The following APOOL variants were observed in gnomAD, a reference collection of about 807,000 sequenced individuals.
APOOL encodes the protein apolipoprotein O like.
In APOOL, 12 loss-of-function variants were observed where a neutral mutation model predicts 23.1. The ratio of observed to expected loss-of-function variants is 0.52; its 90% confidence interval spans 0.33 to 0.84. APOOL has a LOEUF of 0.84. APOOL is among the 40% of genes least tolerant of loss of function. The pLI is 0.02. For synonymous variants in APOOL, 77 were observed against 69.9 expected, an observed-to-expected ratio of 1.10 and a Z score of -0.51; for missense variants, 212 against 199.6, an observed-to-expected ratio of 1.06 and a Z score of -0.37.
At chrX:85,036,812 A>C (rs1177124002) in intron 1 of APOOL, among the ~76,000 whole-genome samples, 2 of 110,672 alleles carry the variant, frequency 1.8e-5, no homozygotes, top group African/African-American at 6.6e-5. Flanking sequence ...AGCAGTGTAC[A>C]CTGTACCCAG....
intron 8 of APOOL, among the ~76,000 whole-genome samples, chrX:85,086,188 T>A (rs1332524167): frequency 1.8e-5 from 2 of 111,319 alleles, no homozygotes; most frequent in East Asian, 5.7e-4. Flanking sequence ...TGACACAGGT[T>A]AAATTCCTTC....
chrX:85,010,247 G>A (rs1458909548), intron 1 of APOOL, among the ~76,000 whole-genome samples: 1 of 111,977 alleles, frequency 8.9e-6, no homozygotes, highest in Non-Finnish European at 1.9e-5. Context: ...GTATATCATT[G>A]TTGTTTTAAT....
At chrX:85,035,084 A>G (rs1187382145) in intron 1 of APOOL, among the ~76,000 whole-genome samples, 1 of 111,778 alleles carries the variant, frequency 8.9e-6, no homozygotes, top group Non-Finnish European at 1.9e-5. Context: ...CCATCAGTGT[A>G]TAATGTTCCC....
intron 5 of APOOL, among the ~76,000 whole-genome samples, chrX:85,057,701 A>C (rs2147650888): frequency 1.9e-5 from 2 of 107,706 alleles, no homozygotes; most frequent in East Asian, 5.8e-4. Context: ...ATATATATAT[A>C]TCTCCCTATA....
intron 8 of APOOL, among the ~76,000 whole-genome samples, chrX:85,082,864 AT>A (rs1924160586): frequency 8.9e-6 from 1 of 111,746 alleles, no homozygotes; most frequent in Non-Finnish European, 1.9e-5. Context: ...TAGTTGCCAG[AT>A]TTTTTGTGGA....
At chrX:85,009,060 G>A (rs960459266) in intron 1 of APOOL, among the ~76,000 whole-genome samples, 1 of 111,388 alleles carries the variant, frequency 9.0e-6, no homozygotes, top group Admixed American at 9.6e-5. Flanking sequence ...GATCATCTTC[G>A]ATAGTGTATA....
At chrX:85,063,360 T>C (rs1769194999) in intron 5 of APOOL, among the ~76,000 whole-genome samples, 1 of 111,428 alleles carries the variant, frequency 9.0e-6, no homozygotes, top group Admixed American at 9.6e-5. Flanking sequence ...TTATTTTTTT[T>C]ATCTTGCCTA....
intron 4 of APOOL, 91 bp downstream of exon 4, chrX:85,054,489 A>T: frequency 6.4e-6 from 5 of 776,859 alleles, no homozygotes; most frequent in Non-Finnish European, 9.2e-6. Context: ...GTTACCCATT[A>T]TCATGCATTT....
At position 85,088,944 on chromosome X, in the gene APOOL, C is replaced by T. The variant is rs1260923564; in HGVS notation, c.*1266C>T. Reference sequence around the variant, plus strand: ...AACAATAACAAAACAAGACAAAAACCTTTCCTTAACTTGGCCTCTTCCCTT... The same window carrying T: ...AACAATAACAAAACAAGACAAAAACTTTTCCTTAACTTGGCCTCTTCCCTT... On this transcript the variant is annotated 3_prime_UTR_variant, in exon 9 of 9. Coordinates refer to ENST00000373173, the MANE Select transcript of APOOL (RefSeq NM_198450.6). The T allele has an allele frequency of 1.8e-5, 2 of 111,625 alleles. No individual in the cohort carries two copies. The highest frequency in any genetic ancestry group is 6.5e-5 in the African/African-American group (2 of 30,708). 9.2% of individuals were successfully genotyped at this position (111,625 alleles called of 1,213,427 possible). A position where few individuals can be genotyped will look rare whatever the true frequency, so the allele number is the denominator to read the frequency against.
At chrX:85,027,404 A>G (rs1921881773) in intron 1 of APOOL, among the ~76,000 whole-genome samples, 1 of 111,450 alleles carries the variant, frequency 9.0e-6, no homozygotes, top group South Asian at 3.8e-4. Flanking sequence ...TCCAAACTAT[A>G]TAACGGACGT....
At position 85,066,541 on chromosome X, in the gene APOOL, A is replaced by G. The variant is rs751245357; in HGVS notation, c.395-586A>G. On this transcript the variant is annotated intron_variant, in intron 5 of 8. Transcript: ENST00000373173. The stretch of plus-strand genomic sequence containing the variant: ...AAAAAGATACGAAAATAACTCTTAA[A>G]TGATGCATAGTTAAGGCACTTATTG... Among the ~76,000 whole-genome samples the G allele has an allele frequency of 2.7e-5, 3 of 111,683 alleles. No individual in the cohort carries two copies. The South Asian group carries it at 1.1e-3, about 41-fold the overall frequency.
intron 3 of APOOL, among the ~76,000 whole-genome samples, chrX:85,051,973 C>T (rs1291572956): frequency 1.8e-5 from 2 of 111,832 alleles, no homozygotes; most frequent in Non-Finnish European, 3.8e-5. Context: ...CATCAGATAT[C>T]CAAGAAAGTC....
At chrX:85,011,351 C>T (rs1921272452) in intron 1 of APOOL, among the ~76,000 whole-genome samples, 1 of 111,509 alleles carries the variant, frequency 9.0e-6, no homozygotes, top group Non-Finnish European at 1.9e-5. Flanking sequence ...TAAGTCCCAT[C>T]TATTTATTTT....
intron 1 of APOOL, among the ~76,000 whole-genome samples, chrX:85,033,306 A>C (rs776655062): frequency 8.9e-6 from 1 of 112,087 alleles, no homozygotes; most frequent in African/African-American, 3.2e-5. Flanking sequence ...ATTAGACCAC[A>C]GGTGTTATTT....
In APOOL at chrX:85,092,635, A is replaced by G; in HGVS notation, c.*4957A>G. On this transcript the variant is annotated 3_prime_UTR_variant, in exon 9 of 9. Coordinates refer to ENST00000373173, the MANE Select transcript of APOOL (RefSeq NM_198450.6). ...CTTCGTTAACACATATATTTTATTGAAGGTCTACTCTATGCAAGACACTAT... is the reference window on the plus strand; with the variant it reads ...CTTCGTTAACACATATATTTTATTGGAGGTCTACTCTATGCAAGACACTAT... The G allele has an allele frequency of 1.0e-6, 1 of 960,276 alleles. No homozygotes were observed. The highest frequency in any genetic ancestry group is 1.4e-6 in the Non-Finnish European group (1 of 693,918). The allele number at this position is 960,276 out of a possible 1,213,427, so 79.1% of individuals were successfully genotyped here.
rs1312246584 is a variant in APOOL, at chrX:85,089,216, C to T, written c.*1538C>T. 1 of 110,547 alleles carries T rather than the reference C, an allele frequency of 9.0e-6. No individual in the cohort carries two copies. The highest frequency in any genetic ancestry group is 2.9e-4 in the East Asian group (1 of 3,483). The allele number at this position is 110,547 out of a possible 1,213,427, so 9.1% of individuals were successfully genotyped here. A position where few individuals can be genotyped will look rare whatever the true frequency, so the allele number is the denominator to read the frequency against. ...CCACCTCCCAGGATCAAGCAATCCT[C>T]CCATCTCACCCTCCCAAGTAGCTGG... On this transcript the variant is annotated 3_prime_UTR_variant, in exon 9 of 9. Coordinates refer to ENST00000373173, the MANE Select transcript of APOOL (RefSeq NM_198450.6).
At chrX:85,053,978 T>C in intron 3 of APOOL, among the ~76,000 whole-genome samples, 1 of 111,778 alleles carries the variant, frequency 8.9e-6, no homozygotes, top group Non-Finnish European at 1.9e-5. Flanking sequence ...GCAACTTTAT[T>C]AATCAGATGT....
rs1923752312 is a variant in APOOL, at chrX:85,073,981, C to T, written c.487-17C>T. 9.4e-7 allele frequency: 1 copy of T among 1,063,198 alleles called. No homozygotes were observed. Among genetic ancestry groups the T allele is most frequent in the African/African-American group, 1.9e-5 (1 of 52,911 alleles). 87.6% of individuals were successfully genotyped at this position (1,063,198 alleles called of 1,213,427 possible). A position where few individuals can be genotyped will look rare whatever the true frequency, so the allele number is the denominator to read the frequency against. On this transcript the variant is annotated splice_polypyrimidine_tract_variant and intron_variant, in intron 6 of 8. Coordinates refer to ENST00000373173, the MANE Select transcript of APOOL (RefSeq NM_198450.6). The stretch of plus-strand genomic sequence containing the variant: ...TTTTAAAAATATGTTATTTGACTTA[C>T]TTTTTGTTTTAATTAGGTAACAGCA...
Position 85,062,450 on chromosome X carries a change from A to G in APOOL, c.395-4677A>G, listed in dbSNP as rs754511628. On this transcript the variant is annotated intron_variant, in intron 5 of 8. Coordinates refer to ENST00000373173, the MANE Select transcript of APOOL (RefSeq NM_198450.6). Reference sequence around the variant, plus strand: ...CATGATAAAATCTTTGCCCATGCCTATGTCTGAATGGTATTGCCTATATTT... The same window carrying G: ...CATGATAAAATCTTTGCCCATGCCTGTGTCTGAATGGTATTGCCTATATTT... Among the ~76,000 whole-genome samples the G allele has an allele frequency of 2.7e-5, 3 of 111,459 alleles. No individual in the cohort carries two copies. In the South Asian group the frequency reaches 1.1e-3, roughly 41 times the overall value.
Sources: gnomAD v4.1 joint callset for allele counts (sites outside exome capture counted in the v4.1 genomes callset) on GRCh38, gnomAD v4.1.1 for gene constraint, MANE v1.5 for transcripts, NCBI Gene and HGNC (gene_info 2026-07-23, HGNC 2026-07-21) for gene names.